Variants in PCDHA4 observed in about 807,000 individuals in gnomAD.
PCDHA4 encodes protocadherin alpha 4, also known as protocadherin alpha-4.
Under a neutral mutation model 61.4 loss-of-function variants are expected in PCDHA4, and 49 were observed. That is an observed-to-expected ratio of 0.80 (90% confidence interval 0.63 to 1.01). The LOEUF (loss-of-function observed/expected upper bound fraction) is 1.01, where lower values mean the gene tolerates loss of function less well. Among genes scored for constraint, PCDHA4 ranks in the 50% least tolerant of loss-of-function variants. The pLI is 0.00. For missense variants in PCDHA4, 1,254 were observed against 1,235.8 expected, an observed-to-expected ratio of 1.01 and a Z score of -0.22; for synonymous variants, 590 against 550.3, an observed-to-expected ratio of 1.07 and a Z score of -1.01.
intron 1 of PCDHA4, chr5:140,878,053 C>T (rs2057454277): frequency 2.2e-6 from 1 of 456,148 alleles, no homozygotes; most frequent in Non-Finnish European, 3.5e-6. Flanking sequence ...TGGAGCACCA[C>T]ACTTAATATT....
intron 1 of PCDHA4, chr5:140,841,363 A>G (rs1777178897): frequency 2.5e-6 from 4 of 1,613,472 alleles, no homozygotes; most frequent in African/African-American, 1.3e-5. Context: ...CCTGGCGACT[A>G]CTACTCTTGC....
Position 140,843,641 on chromosome 5 carries a change from C to T in PCDHA4, c.2385+34069C>T, listed in dbSNP as rs1231976546. ...GAAGACGGACCTCATGGCCTTCAGCCCCTGCCTTCCTCCTGATCTGGGATC... is the reference window on the plus strand; with the variant it reads ...GAAGACGGACCTCATGGCCTTCAGCTCCTGCCTTCCTCCTGATCTGGGATC... On this transcript the variant is annotated intron_variant, in intron 1 of 3. Transcript: ENST00000530339. 2.4e-5 allele frequency: 38 copies of T among 1,595,398 alleles called. 1 individual carries two copies. The highest frequency in any genetic ancestry group is 4.5e-5 in the East Asian group (2 of 44,832).
chr5:140,823,977 C>T (rs563481836), intron 1 of PCDHA4: 1 of 1,614,044 alleles, frequency 6.2e-7, no homozygotes, highest in African/African-American at 1.3e-5. Flanking sequence ...GCACACGGGG[C>T]AAGCCCACTC....
At chr5:140,826,759 A>G (rs1286612690) in intron 1 of PCDHA4, among the ~76,000 whole-genome samples, 1 of 152,218 alleles carries the variant, frequency 6.6e-6, no homozygotes, top group Non-Finnish European at 1.5e-5. Flanking sequence ...TAAGATTCAT[A>G]TTGGAGAGTA....
At chr5:140,930,582 T>C in intron 1 of PCDHA4, 1 of 152,540 alleles carries the variant, frequency 6.6e-6, no homozygotes, top group East Asian at 1.9e-4. Flanking sequence ...GTATTACTTT[T>C]TGACTTCTCA....
chr5:140,826,838 C>CA (rs1486763325), intron 1 of PCDHA4, among the ~76,000 whole-genome samples: 1 of 152,062 alleles, frequency 6.6e-6, no homozygotes, highest in Non-Finnish European at 1.5e-5. Flanking sequence ...AGAAGTTTCT[C>CA]AAGTGTCTTG....
At chr5:140,841,948 C>T (rs1777604440) in intron 1 of PCDHA4, 1 of 1,613,804 alleles carries the variant, frequency 6.2e-7, no homozygotes, top group Non-Finnish European at 8.5e-7. Flanking sequence ...CTGCGCACCA[C>T]TTATTCCTGA....
At chr5:140,860,395 G>C (rs1369632482) in intron 1 of PCDHA4, 2 of 151,922 alleles carry the variant, frequency 1.3e-5, no homozygotes, top group African/African-American at 4.8e-5. Context: ...ATTGAAAAAA[G>C]CAAAAGCAAT....
chr5:140,831,902 G>A (rs1771755236), intron 1 of PCDHA4, among the ~76,000 whole-genome samples: 1 of 152,130 alleles, frequency 6.6e-6, no homozygotes, highest in Admixed American at 6.6e-5. Flanking sequence ...TTGCCAAATA[G>A]CAAGTGCTTA....
chr5:140,831,652 T>A (rs2150196590), intron 1 of PCDHA4, among the ~76,000 whole-genome samples: 1 of 151,500 alleles, frequency 6.6e-6, no homozygotes, highest in Non-Finnish European at 1.5e-5. Flanking sequence ...TGTGAGCCAC[T>A]ATGCTTGGCT....
At chr5:140,926,470 G>C (rs1244984672) in intron 1 of PCDHA4, 1 of 162,858 alleles carries the variant, frequency 6.1e-6, no homozygotes. Flanking sequence ...AGAAAACACC[G>C]TTTAAGGAGA....
intron 1 of PCDHA4, among the ~76,000 whole-genome samples, chr5:140,891,204 C>T (rs2153433269): frequency 6.6e-6 from 1 of 152,078 alleles, no homozygotes; most frequent in South Asian, 2.1e-4. Flanking sequence ...GCAGTTTTAC[C>T]ATGCTGTGTC....
chr5:140,921,498 A>G (rs2080245132), intron 1 of PCDHA4, among the ~76,000 whole-genome samples: 1 of 152,230 alleles, frequency 6.6e-6, no homozygotes, highest in African/African-American at 2.4e-5. Context: ...TTAGTTTATT[A>G]GATAGTGCCT....
At chr5:140,982,191 T>C (rs1431582069) in intron 2 of PCDHA4, among the ~76,000 whole-genome samples, 2 of 152,266 alleles carry the variant, frequency 1.3e-5, no homozygotes, top group Non-Finnish European at 2.9e-5. Flanking sequence ...ATGGGCTTCC[T>C]GTTAGATTTA....
At chr5:140,909,835 C>T (rs1554193946) in intron 1 of PCDHA4, among the ~76,000 whole-genome samples, 2 of 152,068 alleles carry the variant, frequency 1.3e-5, no homozygotes, top group Non-Finnish European at 2.9e-5. Context: ...AACTGGAGGA[C>T]CACCAGGACG....
chr5:140,823,666 A>G (rs2150128103), intron 1 of PCDHA4: 50 of 1,614,028 alleles, frequency 3.1e-5, no homozygotes, highest in Admixed American at 5.0e-5. Context: ...AGGCGAGATC[A>G]GCACAACACG....
Position 140,999,523 on chromosome 5 carries a change from C to A in PCDHA4, c.2534-10104C>A, listed in dbSNP as rs115576128. On this transcript the variant is annotated intron_variant, in intron 3 of 3. Coordinates refer to ENST00000530339, the MANE Select transcript of PCDHA4 (RefSeq NM_018907.4). ...AACCTACATTTTAAGCATTTTGTTA[C>A]CCCCTGGATATGACAGCCAATGAAG... is the stretch of plus-strand genomic sequence containing the variant. Among the ~76,000 whole-genome samples, 464 of 152,142 alleles carry A rather than the reference C, an allele frequency of 3.0e-3. 6 individuals carry two copies. Among genetic ancestry groups the A allele is most frequent in the Middle Eastern group, 0.01 (3 of 294 alleles).
chr5:140,913,107 CA>C (rs2076210472), intron 1 of PCDHA4, among the ~76,000 whole-genome samples: 1 of 152,078 alleles, frequency 6.6e-6, no homozygotes, highest in South Asian at 2.1e-4. Context: ...CTCATAGAAT[CA>C]GTTTGGAAGT....
rs184648626 is a variant in PCDHA4, at chr5:140,812,236, T to C, written c.2385+2664T>C. The stretch of plus-strand genomic sequence containing the variant: ...GTTTAGATTTTTTATGATTATGTCT[T>C]GGTAGTTTGTATGTTTCTAGGAATT... On this transcript the variant is annotated intron_variant, in intron 1 of 3. Transcript: ENST00000530339. 1.3e-3 allele frequency: 195 copies of C among 152,146 alleles called. 1 individual carries two copies. Among genetic ancestry groups the C allele is most frequent in the African/African-American group, 4.2e-3 (176 of 41,522 alleles). 9.4% of individuals were successfully genotyped at this position (152,146 alleles called of 1,614,324 possible). A position where few individuals can be genotyped will look rare whatever the true frequency, so the allele number is the denominator to read the frequency against.
Sources: allele counts gnomAD v4.1 joint callset (sites outside exome capture counted in the v4.1 genomes callset), GRCh38; gene constraint gnomAD v4.1.1; transcripts MANE v1.5; gene names NCBI Gene and HGNC (gene_info 2026-07-23, HGNC 2026-07-21).